The following CALN1 variants were observed in gnomAD, a reference collection of about 807,000 sequenced individuals.
CALN1 encodes calcium-binding protein 8.
In CALN1, 17 loss-of-function variants were observed where a neutral mutation model predicts 30.6. The observed-to-expected ratio is 0.56, with a 90% CI of 0.38 to 0.83. CALN1 has a LOEUF of 0.83. Ranked by LOEUF, CALN1 falls within the 40% of genes least tolerant of loss-of-function variation. The pLI is 0.00. For synonymous variants in CALN1, 156 were observed against 131.4 expected (o/e 1.19, Z -1.28); for missense variants, 291 against 354.9 (o/e 0.82, Z 1.45).
chr7:72,500,343 C>G, the CALN1 span, among the ~76,000 whole-genome samples: 10 of 125,838 alleles, frequency 7.9e-5, no homozygotes, highest in Admixed American at 8.8e-4. Flanking sequence ...TGCAGTGTCG[C>G]GATCTCGGTT....
In CALN1 at chr7:72,298,808, A is replaced by G. The variant is rs1351903065; in HGVS notation, c.120-19998T>C. On this transcript the variant is annotated intron_variant, in intron 2 of 6. Transcript: ENST00000395275. The stretch of plus-strand genomic sequence containing the variant: ...CTCAAGAGATCTGATGGTTTTAAAA[A>G]AAAAAAAAAAGAGGGGAGGGGTGCG... Among the ~76,000 whole-genome samples, 41 of 151,502 alleles carry G rather than the reference A, an allele frequency of 2.7e-4. 1 individual carries two copies. The highest frequency in any genetic ancestry group is 2.4e-3 in the Admixed American group (36 of 15,196).
At chr7:72,108,595 T>C (rs1349583283) in intron 3 of CALN1, among the ~76,000 whole-genome samples, 2 of 152,232 alleles carry the variant, frequency 1.3e-5, no homozygotes, top group African/African-American at 4.8e-5. Flanking sequence ...TATCTACTGT[T>C]CCTTGTGTAA....
chr7:71,869,265 C>T (rs1791781504), intron 5 of CALN1, among the ~76,000 whole-genome samples: 1 of 151,600 alleles, frequency 6.6e-6, no homozygotes, highest in Non-Finnish European at 1.5e-5. Context: ...AGCTGGAGTG[C>T]AATGGCACGA....
chr7:72,221,952 G>A (rs940307170), intron 3 of CALN1, among the ~76,000 whole-genome samples: 3 of 151,958 alleles, frequency 2.0e-5, no homozygotes, highest in Non-Finnish European at 2.9e-5. Flanking sequence ...TAGGCCAGGT[G>A]CAGTGGCTCA....
At chr7:71,807,530 T>C (rs1298128644) in intron 6 of CALN1, among the ~76,000 whole-genome samples, 1 of 152,168 alleles carries the variant, frequency 6.6e-6, no homozygotes, top group Non-Finnish European at 1.5e-5. Context: ...TTCTCTGAGA[T>C]AAAAATATGC....
chr7:72,485,493 A>G, the CALN1 span, among the ~76,000 whole-genome samples: 1 of 152,240 alleles, frequency 6.6e-6, no homozygotes, highest in Non-Finnish European at 1.5e-5. Flanking sequence ...AAAGTAAGGA[A>G]TTGGATGAAG....
intron 5 of CALN1, among the ~76,000 whole-genome samples, chr7:72,017,053 A>G (rs904839756): frequency 2.0e-5 from 3 of 148,330 alleles, no homozygotes; most frequent in African/African-American, 7.6e-5. Flanking sequence ...AGTCCCAGCT[A>G]CTTGGGAGGC....
rs111569108 is a variant in CALN1, at chr7:72,114,445, C to T, written c.245-8151G>A. Reference sequence around the variant, plus strand: ...GTGATACCCTGGTGATTGCTTCTAGCGAGCAGCTGCAAATACTTGGCAAGA... The same window carrying T: ...GTGATACCCTGGTGATTGCTTCTAGTGAGCAGCTGCAAATACTTGGCAAGA... On this transcript the variant is annotated intron_variant, in intron 3 of 6. Coordinates refer to ENST00000395275, the MANE Select transcript of CALN1 (RefSeq NM_031468.4). Among the ~76,000 whole-genome samples the T allele has an allele frequency of 8.9e-3, 1,349 of 151,560 alleles. 7 individuals are homozygous for T. Among genetic ancestry groups the T allele is most frequent in the Non-Finnish European group, 0.014 (923 of 67,930 alleles).
chr7:72,283,913 A>G (rs1797901334), intron 2 of CALN1, among the ~76,000 whole-genome samples: 1 of 152,198 alleles, frequency 6.6e-6, no homozygotes, highest in Non-Finnish European at 1.5e-5. Flanking sequence ...TGTCATATCA[A>G]AGAAAAGATC....
At chr7:71,938,853 G>A (rs1292037018) in intron 5 of CALN1, among the ~76,000 whole-genome samples, 1 of 152,128 alleles carries the variant, frequency 6.6e-6, no homozygotes, top group Non-Finnish European at 1.5e-5. Context: ...AGAACAGAGA[G>A]CGCCATGGTG....
rs1222581494 is a variant in CALN1 at position 71,920,377 on chromosome 7, C to G, written c.501+103280G>C. On this transcript the variant is annotated intron_variant, in intron 5 of 6. Transcript: ENST00000395275. ...TTGAGATGGAGTCTTGCTCTGTCAC[C>G]TAGGCTGGAGTGTAGTGGTGCGATC... Among the ~76,000 whole-genome samples, 7 of 139,484 alleles carry G rather than the reference C, an allele frequency of 5.0e-5. No homozygotes were observed. In the Admixed American group the frequency reaches 5.2e-4, roughly 10 times the overall value. The allele number at this position is 139,484 out of a possible 152,430, so 91.5% of individuals were successfully genotyped here. A position where few individuals can be genotyped will look rare whatever the true frequency, so the allele number is the denominator to read the frequency against.
chr7:72,135,458 T>A (rs1458509731), intron 3 of CALN1, among the ~76,000 whole-genome samples: 1 of 152,168 alleles, frequency 6.6e-6, no homozygotes, highest in African/African-American at 2.4e-5. Flanking sequence ...AAAACAACAT[T>A]CATCTCCTTG....
intron 3 of CALN1, among the ~76,000 whole-genome samples, chr7:72,224,706 C>T (rs917793762): frequency 2.6e-5 from 4 of 151,434 alleles, no homozygotes; most frequent in African/African-American, 4.9e-5. Flanking sequence ...GCTTGAACCC[C>T]GGAGGCAGAG....
intron 3 of CALN1, among the ~76,000 whole-genome samples, chr7:72,208,333 C>T (rs1384489726): frequency 6.6e-6 from 1 of 152,242 alleles, no homozygotes; most frequent in Non-Finnish European, 1.5e-5. Context: ...AATTTTCACA[C>T]TGGTGGTTTC....
chr7:72,411,804 T>TAATA (rs34939153), intron 1 of CALN1, among the ~76,000 whole-genome samples: 18,993 of 152,138 alleles, frequency 0.12, 1,867 homozygotes, highest in African/African-American at 0.28. Flanking sequence ...TCTTTTAAAG[T>TAATA]AATAAGAAAA....
intron 6 of CALN1, among the ~76,000 whole-genome samples, chr7:71,791,778 G>A (rs1260937460): frequency 3.3e-5 from 5 of 152,220 alleles, no homozygotes; most frequent in African/African-American, 4.8e-5. Context: ...GGGAGGCCGA[G>A]GCGGGCGGAT....
the CALN1 span, among the ~76,000 whole-genome samples, chr7:72,498,902 T>C: frequency 1.3e-5 from 2 of 152,156 alleles, no homozygotes; most frequent in Non-Finnish European, 2.9e-5. Context: ...TTTTGCAAAA[T>C]ATCAATTTAA....
At chr7:72,311,934 G>A (rs1404394255) in intron 2 of CALN1, among the ~76,000 whole-genome samples, 24 of 152,056 alleles carry the variant, frequency 1.6e-4, no homozygotes. Context: ...GGAGAGTGAT[G>A]GGAAAGAAGG....
At chr7:71,915,765 C>T (rs534104167) in intron 5 of CALN1, among the ~76,000 whole-genome samples, 2 of 151,780 alleles carry the variant, frequency 1.3e-5, no homozygotes, top group African/African-American at 4.8e-5. Context: ...AAAAAAAACC[C>T]AATCTGCCCA....
Sources: allele counts gnomAD v4.1 joint callset (sites outside exome capture counted in the v4.1 genomes callset), GRCh38; gene constraint gnomAD v4.1.1; transcripts MANE v1.5; gene names NCBI Gene and HGNC (gene_info 2026-07-23, HGNC 2026-07-21).